The following CFAP54 variants were observed in gnomAD, a reference collection of about 807,000 sequenced individuals.
CFAP54 encodes the protein cilia and flagella associated protein 54, also known as cilia- and flagella-associated protein 54.
In CFAP54, 290 loss-of-function variants were observed where a neutral mutation model predicts 370.4. The ratio of observed to expected loss-of-function variants is 0.78; its 90% CI spans 0.71 to 0.86. The LOEUF (loss-of-function observed/expected upper bound fraction) is 0.86. Ranked by LOEUF, CFAP54 falls within the 40% of genes least tolerant of loss-of-function variation. The pLI, the probability that CFAP54 is intolerant of heterozygous loss-of-function variation, is 0.00. For synonymous variants in CFAP54, 1,206 were observed against 1,236.5 expected (o/e 0.98, Z 0.52); for missense variants, 3,399 against 3,528.7 (o/e 0.96, Z 0.93).
At chr12:96,623,218 A>G (rs1015538347) in intron 27 of CFAP54, among the ~76,000 whole-genome samples, 1 of 152,090 alleles carries the variant, frequency 6.6e-6, no homozygotes, top group Non-Finnish European at 1.5e-5. Context: ...AGAGACATTA[A>G]CAGGTCAGTT....
intron 6 of CFAP54, among the ~76,000 whole-genome samples, 174 bp from the exon 7 acceptor site, chr12:96,521,683 T>TA (rs1416553859): frequency 4.6e-5 from 7 of 152,200 alleles, no homozygotes; most frequent in African/African-American, 1.7e-4. Flanking sequence ...CACAGTTTAT[T>TA]AGAGAGTTTA....
At chr12:96,725,774 C>T (rs1365324386) in intron 50 of CFAP54, among the ~76,000 whole-genome samples, 1 of 152,120 alleles carries the variant, frequency 6.6e-6, no homozygotes, top group Non-Finnish European at 1.5e-5. Flanking sequence ...GGGAATGCTT[C>T]TAGTTTTTGC....
chr12:96,743,472 G>T lies in CFAP54; in HGVS notation c.7290G>T (p.Thr2430=), dbSNP rs781305941. 5 of 1,613,866 alleles carry T rather than the reference G, an allele frequency of 3.1e-6. No homozygotes were observed. Among genetic ancestry groups the T allele is most frequent in the Non-Finnish European group, 4.2e-6 (5 of 1,179,908 alleles). The change falls in exon 53 of 68, where the codon ACG becomes ACT. Residue 2430 remains threonine, a synonymous_variant. Coordinates refer to ENST00000524981, the MANE Select transcript of CFAP54 (RefSeq NM_001306084.2). The part of the protein sequence containing the change: ...VCMEAKSAGD[T]ELQAEFLTQA... Reference sequence around the variant, plus strand: ...TGGAGGCAAAAAGCGCAGGGGACACGGAACTGCAGGCTGAATTCTTGACGC... The same window carrying T: ...TGGAGGCAAAAAGCGCAGGGGACACTGAACTGCAGGCTGAATTCTTGACGC...
At chr12:96,831,176 A>G (rs2136761084) in intron 66 of CFAP54, among the ~76,000 whole-genome samples, 1 of 152,362 alleles carries the variant, frequency 6.6e-6, no homozygotes, top group African/African-American at 2.4e-5. Context: ...TCTCTGTGTC[A>G]GAAACTCCTT....
At chr12:96,815,014 T>C (rs1351049265) in intron 64 of CFAP54, among the ~76,000 whole-genome samples, 1 of 152,222 alleles carries the variant, frequency 6.6e-6, no homozygotes, top group African/African-American at 2.4e-5. Flanking sequence ...GCAGTAAACA[T>C]ACATGTGCAT....
At chr12:96,846,963 C>T (rs1213024765) in intron 66 of CFAP54, among the ~76,000 whole-genome samples, 1 of 152,104 alleles carries the variant, frequency 6.6e-6, no homozygotes, top group Non-Finnish European at 1.5e-5. Context: ...GCACAGACCC[C>T]ACAGTTAAGG....
chr12:96,871,987 C>A (rs1193069943), intron 67 of CFAP54, among the ~76,000 whole-genome samples: 1 of 151,718 alleles, frequency 6.6e-6, no homozygotes, highest in African/African-American at 2.4e-5. Context: ...AAATTGAAAT[C>A]CTAGATAGGA....
At chr12:96,656,014 T>C (rs1424970234) in intron 36 of CFAP54, among the ~76,000 whole-genome samples, 2 of 152,118 alleles carry the variant, frequency 1.3e-5, no homozygotes, top group Non-Finnish European at 2.9e-5. Flanking sequence ...GAAGTGAGTA[T>C]GTCCTAAGAG....
intron 63 of CFAP54, among the ~76,000 whole-genome samples, chr12:96,806,729 A>G (rs1958886780): frequency 6.6e-6 from 1 of 152,124 alleles, no homozygotes; most frequent in South Asian, 2.1e-4. Context: ...GGTGCTCTGG[A>G]TTTTGGGCCA....
At chr12:96,816,338 G>A (rs1292803750) in intron 64 of CFAP54, among the ~76,000 whole-genome samples, 1 of 152,128 alleles carries the variant, frequency 6.6e-6, no homozygotes, top group South Asian at 2.1e-4. Context: ...GTGAATGGGA[G>A]TTCACTCATG....
rs1433619583 is a variant in CFAP54 at position 96,632,023 on chromosome 12, C to T, written c.4316+1372C>T. 3.3e-5 allele frequency among the ~76,000 whole-genome samples: 5 copies of T among 151,800 alleles called. No homozygotes were observed. In the East Asian group the frequency reaches 9.6e-4, roughly 29 times the overall value. On this transcript the variant is annotated intron_variant, in intron 32 of 67. Transcript: ENST00000524981. ...TCACCAACACTTGACATTATTATCA[C>T]ATTTTTGTGGAACTATGTGGTATGA...
chr12:96,533,963 A>AT lies in CFAP54; in HGVS notation c.1533dup (p.Leu512SerfsTer6). On this transcript the variant is annotated frameshift_variant, in exon 10 of 68. Transcript: ENST00000524981. LOFTEE classifies it high-confidence loss of function. ...GAATCTTCTGCTGTACATCTTATTTATTTTCTCCAGGTAATATATGCAAAA... is the reference window on the plus strand; with the variant it reads ...GAATCTTCTGCTGTACATCTTATTTATTTTTCTCCAGGTAATATATGCAAAA... The AT allele has an allele frequency of 6.6e-7, 1 of 1,510,366 alleles. No individual in the cohort carries two copies. Among genetic ancestry groups the AT allele is most frequent in the Non-Finnish European group, 8.8e-7 (1 of 1,139,076 alleles). 93.6% of individuals were successfully genotyped at this position (1,510,366 alleles called of 1,614,324 possible).
chr12:96,769,705 C>A (rs757910844), intron 60 of CFAP54, among the ~76,000 whole-genome samples: 1 of 152,168 alleles, frequency 6.6e-6, no homozygotes, highest in African/African-American at 2.4e-5. Flanking sequence ...AAATGATGAG[C>A]CTTCCCATGG....
At chr12:96,838,169 G>A (rs1641973237) in intron 66 of CFAP54, among the ~76,000 whole-genome samples, 3 of 152,126 alleles carry the variant, frequency 2.0e-5, no homozygotes, top group Non-Finnish European at 4.4e-5. Context: ...TTTGGAAGAC[G>A]AAGCAGAAAA....
chr12:96,708,455 G>A (rs1478783697), intron 47 of CFAP54, among the ~76,000 whole-genome samples, 153 bp from the exon 48 acceptor site: 1 of 152,144 alleles, frequency 6.6e-6, no homozygotes, highest in East Asian at 1.9e-4. Context: ...GATGTTACAT[G>A]TCTCTCTCAG....
chr12:96,644,582 G>T (rs146425898), intron 33 of CFAP54, among the ~76,000 whole-genome samples, 174 bp downstream of exon 33: 1 of 152,234 alleles, frequency 6.6e-6, no homozygotes, highest in African/African-American at 2.4e-5. Context: ...TCCCGAGACT[G>T]GTAATTTATA....
At chr12:96,552,668 A>G (rs1195794423) in intron 15 of CFAP54, among the ~76,000 whole-genome samples, 2 of 152,168 alleles carry the variant, frequency 1.3e-5, no homozygotes, top group Non-Finnish European at 2.9e-5. Flanking sequence ...CTAAATGTCC[A>G]TTGGCAGAAG....
chr12:96,717,050 G>A (rs147036217), intron 48 of CFAP54, among the ~76,000 whole-genome samples: 52 of 152,272 alleles, frequency 3.4e-4, no homozygotes, highest in African/African-American at 6.5e-4. Context: ...ATATCTCTTC[G>A]CCTATGGATG....
chr12:96,651,306 G>C (rs1298818077), intron 35 of CFAP54, among the ~76,000 whole-genome samples: 1 of 152,192 alleles, frequency 6.6e-6, no homozygotes, highest in Non-Finnish European at 1.5e-5. Context: ...TGAATTCCCA[G>C]CACCTAGAAC....
Sources: gnomAD v4.1 joint callset for allele counts (sites outside exome capture counted in the v4.1 genomes callset) on GRCh38, gnomAD v4.1.1 for gene constraint, MANE v1.5 for transcripts, NCBI Gene and HGNC (gene_info 2026-07-23, HGNC 2026-07-21) for gene names.